ZDHHC15: variants seen among roughly 807,000 people sequenced by gnomAD.
ZDHHC15 encodes palmitoyltransferase ZDHHC15.
ZDHHC15 carries 19 observed loss-of-function variants against 31.7 expected under a neutral mutation model. That is an observed-to-expected ratio of 0.60 (90% CI 0.42 to 0.88). ZDHHC15 has a LOEUF of 0.88. Among genes scored for constraint, ZDHHC15 ranks in the 40% least tolerant of loss-of-function variants. The probability of loss-of-function intolerance (pLI) is 0.00; values close to 1 mark genes in which losing one functional copy is unlikely to be tolerated. For synonymous variants in ZDHHC15, 103 were observed against 90.0 expected, an observed-to-expected ratio of 1.14 and a Z score of -0.82; for missense variants, 209 against 251.2, an observed-to-expected ratio of 0.83 and a Z score of 1.14.
intron 3 of ZDHHC15, among the ~76,000 whole-genome samples, chrX:75,464,952 C>T (rs923590493): frequency 1.8e-5 from 2 of 111,567 alleles, no homozygotes; most frequent in Non-Finnish European, 3.8e-5. Flanking sequence ...AAGTTCTGGC[C>T]AGGGCAATCA....
chrX:75,420,831 C>T (rs1171054696), intron 9 of ZDHHC15, among the ~76,000 whole-genome samples: 1 of 110,293 alleles, frequency 9.1e-6, no homozygotes, highest in Admixed American at 9.7e-5. Context: ...GGAGGGATAG[C>T]ATTAGGAGAA....
At chrX:75,508,737 T>C (rs1230937633) in intron 1 of ZDHHC15, among the ~76,000 whole-genome samples, 1 of 111,195 alleles carries the variant, frequency 9.0e-6, no homozygotes, top group Non-Finnish European at 1.9e-5. Context: ...TCTTCCACAA[T>C]GGTTGAACTA....
intron 10 of ZDHHC15, among the ~76,000 whole-genome samples, chrX:75,402,860 C>A (rs1286133642): frequency 9.0e-6 from 1 of 110,535 alleles, no homozygotes; most frequent in Non-Finnish European, 1.9e-5. Flanking sequence ...GGAGGAAGGA[C>A]TCCTCTCCAA....
At chrX:75,484,465 A>G (rs762187596) in intron 2 of ZDHHC15, among the ~76,000 whole-genome samples, 196 of 112,508 alleles carry the variant, frequency 1.7e-3, no homozygotes, top group Non-Finnish European at 2.8e-3. Flanking sequence ...TAGTCATTAC[A>G]GAAGTGCAAA....
At chrX:75,472,794 C>T (rs1230533083) in intron 3 of ZDHHC15, among the ~76,000 whole-genome samples, 1 of 111,996 alleles carries the variant, frequency 8.9e-6, no homozygotes, top group East Asian at 2.8e-4. Flanking sequence ...GACCTCCACT[C>T]ACCACGGTCG....
intron 3 of ZDHHC15, among the ~76,000 whole-genome samples, chrX:75,456,961 T>C (rs1043095279): frequency 2.7e-5 from 3 of 111,772 alleles, no homozygotes; most frequent in Non-Finnish European, 5.6e-5. Context: ...ATCCAAGAAA[T>C]AGAGATAATA....
At chrX:75,409,795 T>TAAAAAA (rs1189768393) in intron 10 of ZDHHC15, among the ~76,000 whole-genome samples, 10 of 35,520 alleles carry the variant, frequency 2.8e-4, no homozygotes, top group African/African-American at 1.3e-3. Flanking sequence ...ACCCCATCTC[T>TAAAAAA]AAAAAAAAAA....
Position 75,429,211 on chromosome X carries a change from A to C in ZDHHC15, c.483-13T>G. The C allele has an allele frequency of 8.4e-7, 1 of 1,195,371 alleles. No individual in the cohort carries two copies. Among genetic ancestry groups the C allele is most frequent in the Non-Finnish European group, 1.1e-6 (1 of 889,896 alleles). ...GCAGTTATTAACCCTAAAAAAAAAG[A>C]AAAACTAATTTGACATCAGGACCTC... On this transcript the variant is annotated splice_polypyrimidine_tract_variant and intron_variant, in intron 6 of 11. Coordinates refer to ENST00000373367, the MANE Select transcript of ZDHHC15 (RefSeq NM_144969.3).
At chrX:75,418,565 ATAC>A (rs1215840190) in intron 9 of ZDHHC15, among the ~76,000 whole-genome samples, 1 of 112,169 alleles carries the variant, frequency 8.9e-6, no homozygotes, top group African/African-American at 3.2e-5. Flanking sequence ...AAATTAAACT[ATAC>A]TACAAGGCTA....
At chrX:75,514,597 A>G (rs2085327362) in intron 1 of ZDHHC15, among the ~76,000 whole-genome samples, 1 of 111,940 alleles carries the variant, frequency 8.9e-6, no homozygotes, top group South Asian at 3.8e-4. Context: ...GCATCACCTC[A>G]CCCAGGAAGC....
chrX:75,489,733 T>C (rs1034243549), intron 2 of ZDHHC15, among the ~76,000 whole-genome samples: 4 of 112,375 alleles, frequency 3.6e-5, no homozygotes, highest in African/African-American at 9.7e-5. Flanking sequence ...GGAACAAAGC[T>C]GAACGGAGAA....
intron 4 of ZDHHC15, among the ~76,000 whole-genome samples, chrX:75,446,475 CT>C (rs1455066983): frequency 8.9e-6 from 1 of 111,867 alleles, no homozygotes; most frequent in African/African-American, 3.3e-5. Flanking sequence ...AAAGAGAGCC[CT>C]GGTACAAGGA....
At chrX:75,475,164 T>C (rs938096360) in intron 3 of ZDHHC15, among the ~76,000 whole-genome samples, 2 of 112,723 alleles carry the variant, frequency 1.8e-5, no homozygotes, top group Non-Finnish European at 3.7e-5. Flanking sequence ...ATTACTTATA[T>C]TTTCTGCTAT....
At chrX:75,428,362 T>C (rs1325634358) in intron 7 of ZDHHC15, among the ~76,000 whole-genome samples, 1 of 112,246 alleles carries the variant, frequency 8.9e-6, no homozygotes, top group Non-Finnish European at 1.9e-5. Flanking sequence ...TTGGAAGTAG[T>C]TGGATATGAT....
At chrX:75,389,358 C>T (rs1352693697) in intron 10 of ZDHHC15, among the ~76,000 whole-genome samples, 1 of 110,363 alleles carries the variant, frequency 9.1e-6, no homozygotes, top group Non-Finnish European at 1.9e-5. Flanking sequence ...TACACATGAC[C>T]TAGTGAGATA....
intron 3 of ZDHHC15, among the ~76,000 whole-genome samples, chrX:75,472,832 C>T (rs1421996776): frequency 8.9e-6 from 1 of 112,001 alleles, no homozygotes; most frequent in Non-Finnish European, 1.9e-5. Flanking sequence ...GCTGAGTGCC[C>T]AATTTTGCCA....
At chrX:75,457,563 A>G (rs1411763002) in intron 3 of ZDHHC15, among the ~76,000 whole-genome samples, 1 of 108,926 alleles carries the variant, frequency 9.2e-6, no homozygotes, top group Non-Finnish European at 1.9e-5. Flanking sequence ...TGACCCCAGC[A>G]ATTTTATTCC....
At chrX:75,402,334 A>G (rs1298870339) in intron 10 of ZDHHC15, among the ~76,000 whole-genome samples, 3 of 111,705 alleles carry the variant, frequency 2.7e-5, no homozygotes, top group African/African-American at 9.8e-5. Flanking sequence ...TGAAAGAATT[A>G]GAGAAGCAAG....
chrX:75,429,013 A>C (rs1424482573), intron 7 of ZDHHC15, 65 bp downstream of exon 7: 2 of 1,175,024 alleles, frequency 1.7e-6, no homozygotes, highest in Non-Finnish European at 2.3e-6. Context: ...GAGGGTGAAC[A>C]ATGTCACAAG....
Sources: gnomAD v4.1 joint callset for allele counts (sites outside exome capture counted in the v4.1 genomes callset) on GRCh38, gnomAD v4.1.1 for gene constraint, MANE v1.5 for transcripts, NCBI Gene and HGNC (gene_info 2026-07-23, HGNC 2026-07-21) for gene names.